The following FER variants were observed in gnomAD, a reference collection of about 807,000 sequenced individuals.
The protein encoded by FER is FER tyrosine kinase, also known as tyrosine-protein kinase Fer.
In FER, 63 loss-of-function variants were observed where a neutral mutation model predicts 111.0. That is an observed-to-expected ratio of 0.57 (90% confidence interval 0.46 to 0.70). FER has a LOEUF of 0.70. Among genes scored for constraint, FER ranks in the 30% least tolerant of loss-of-function variants. FER has a pLI of 0.00. For missense variants in FER, 914 were observed against 954.0 expected, an observed-to-expected ratio of 0.96 and a Z score of 0.55; for synonymous variants, 327 against 313.9, an observed-to-expected ratio of 1.04 and a Z score of -0.44.
intron 14 of FER, among the ~76,000 whole-genome samples, chr5:109,041,275 A>G (rs1223500679): frequency 6.6e-6 from 1 of 152,128 alleles, no homozygotes; most frequent in Non-Finnish European, 1.5e-5. Flanking sequence ...AGTTTTACAG[A>G]TTAACAGAGG....
chr5:109,056,905 C>G (rs532571303), intron 16 of FER, among the ~76,000 whole-genome samples: 1 of 152,036 alleles, frequency 6.6e-6, no homozygotes, highest in African/African-American at 2.4e-5. Flanking sequence ...TTTTCAGATT[C>G]TTTTAGAAGT....
intron 10 of FER, among the ~76,000 whole-genome samples, chr5:108,936,443 G>T (rs947256853): frequency 3.3e-5 from 5 of 151,908 alleles, no homozygotes; most frequent in Non-Finnish European, 7.4e-5. Flanking sequence ...GGCTGCTTTA[G>T]GCCAGTGGTT....
chr5:109,060,673 A>T (rs1431510713), intron 16 of FER, among the ~76,000 whole-genome samples: 2 of 151,792 alleles, frequency 1.3e-5, no homozygotes, highest in Non-Finnish European at 2.9e-5. Flanking sequence ...ACAGAGTGAG[A>T]CTCTGTCTCC....
rs373197302 is a variant in FER, at chr5:108,985,844, G to A, written c.1656+26497G>A. 4.6e-5 allele frequency among the ~76,000 whole-genome samples: 7 copies of A among 152,230 alleles called. No homozygotes were observed. The East Asian group carries it at 9.6e-4, about 21-fold the overall frequency. On this transcript the variant is annotated intron_variant, in intron 13 of 19. Coordinates refer to ENST00000281092, the MANE Select transcript of FER (RefSeq NM_005246.4). ...TCTTTATCCACTCATTGATTGATGG[G>A]CATTTGGGTTGGTTTCATATTTTTG...
At chr5:108,931,610 G>A (rs982710336) in intron 10 of FER, among the ~76,000 whole-genome samples, 2 of 152,058 alleles carry the variant, frequency 1.3e-5, no homozygotes, top group Non-Finnish European at 2.9e-5. Flanking sequence ...AATAGTGCAT[G>A]CCTGAAGTCA....
intron 17 of FER, among the ~76,000 whole-genome samples, chr5:109,137,715 T>A (rs1582203365): frequency 1.3e-5 from 2 of 152,274 alleles, no homozygotes; most frequent in South Asian, 4.1e-4. Context: ...AGACTGAATC[T>A]GGCAAAAGGC....
rs778618874 is a variant in FER at position 108,883,504 on chromosome 5, T to C, written c.1032T>C (p.Cys344=). ...EKRIEESSET[C]EKKSDIVLLL... is the part of the protein sequence containing the mutation. ...GAATTGAAGAATCTTCTGAAACTTG[T>C]GAGAAGAAGTCTGAGTGAGTAAAAG... is the stretch of plus-strand genomic sequence containing the variant. Residue 344 remains cysteine (C), a synonymous_variant, in exon 9 of 20, where the codon TGT becomes TGC. Transcript: ENST00000281092. The C allele has an allele frequency of 6.2e-7, 1 of 1,603,462 alleles. No individual in the cohort carries two copies. Among genetic ancestry groups the C allele is most frequent in the Non-Finnish European group, 8.5e-7 (1 of 1,173,936 alleles).
chr5:109,141,850 C>T (rs1753556032), intron 17 of FER, among the ~76,000 whole-genome samples: 1 of 152,124 alleles, frequency 6.6e-6, no homozygotes, highest in South Asian at 2.1e-4. Flanking sequence ...ACCAAACTTC[C>T]AATTCTATTT....
intron 8 of FER, 92 bp from the exon 9 acceptor site, chr5:108,883,304 A>G: frequency 1.6e-6 from 2 of 1,217,570 alleles, no homozygotes; most frequent in Non-Finnish European, 1.1e-6. Context: ...ACTGTTTTGG[A>G]CATTGCAACA....
intron 17 of FER, among the ~76,000 whole-genome samples, chr5:109,152,870 G>A (rs1368086008): frequency 2.6e-5 from 4 of 151,774 alleles, no homozygotes; most frequent in African/African-American, 7.3e-5. Flanking sequence ...AAAAGAAGCC[G>A]TTAAGAACAA....
intron 3 of FER, among the ~76,000 whole-genome samples, chr5:108,825,622 A>C (rs1759381883): frequency 6.6e-6 from 1 of 152,240 alleles, no homozygotes; most frequent in Non-Finnish European, 1.5e-5. Context: ...CTCAGCTGAC[A>C]GGATTAAGAG....
chr5:108,788,211 G>C (rs1249536264), intron 2 of FER, among the ~76,000 whole-genome samples: 2 of 152,186 alleles, frequency 1.3e-5, no homozygotes, highest in African/African-American at 4.8e-5. Flanking sequence ...TTGTATGTCT[G>C]GTCCAACTGC....
At chr5:109,085,041 G>A (rs1314499412) in intron 16 of FER, among the ~76,000 whole-genome samples, 2 of 151,754 alleles carry the variant, frequency 1.3e-5, no homozygotes, top group Admixed American at 6.6e-5. Context: ...CTTCTGCAAC[G>A]TTTTTTCTAT....
At chr5:109,173,248 G>C (rs1757324798) in intron 17 of FER, among the ~76,000 whole-genome samples, 1 of 152,172 alleles carries the variant, frequency 6.6e-6, no homozygotes. Flanking sequence ...TTCCATAAGT[G>C]ATTCCCATTC....
rs150054774 is a variant in FER at position 109,023,303 on chromosome 5, T to C, written c.1657-14119T>C. Among the ~76,000 whole-genome samples, 1,220 of 152,216 alleles carry C rather than the reference T, an allele frequency of 8.0e-3. 9 individuals are homozygous for C. The highest frequency in any genetic ancestry group is 0.028 in the African/African-American group (1,164 of 41,536). ...TGAATAGTAGTTACATTTACTGAAA[T>C]AGAGAATGCTATGAGAGAAACACAG... is the stretch of plus-strand genomic sequence containing the variant. On this transcript the variant is annotated intron_variant, in intron 13 of 19. Coordinates refer to ENST00000281092, the MANE Select transcript of FER (RefSeq NM_005246.4).
intron 17 of FER, among the ~76,000 whole-genome samples, chr5:109,144,456 T>C (rs761780897): frequency 1.8e-4 from 27 of 152,172 alleles, no homozygotes; most frequent in Non-Finnish European, 3.4e-4. Flanking sequence ...CTGCACTCCG[T>C]AGCATGCTAA....
At chr5:109,171,517 C>T (rs1757090917) in intron 17 of FER, among the ~76,000 whole-genome samples, 1 of 152,174 alleles carries the variant, frequency 6.6e-6, no homozygotes, top group Non-Finnish European at 1.5e-5. Flanking sequence ...ATATAAAGGA[C>T]TCAATAAATG....
At chr5:108,858,182 A>G (rs1763180345) in intron 5 of FER, among the ~76,000 whole-genome samples, 1 of 152,186 alleles carries the variant, frequency 6.6e-6, no homozygotes. Context: ...TTCTAGTCCA[A>G]TACCATACAG....
intron 16 of FER, among the ~76,000 whole-genome samples, chr5:109,063,925 TTTA>T (rs747189233): frequency 7.2e-5 from 11 of 152,316 alleles, no homozygotes; most frequent in Non-Finnish European, 1.5e-4. Flanking sequence ...CATTCCCATT[TTTA>T]TTGTATAATT....
Sources: allele counts gnomAD v4.1 joint callset (sites outside exome capture counted in the v4.1 genomes callset), GRCh38; gene constraint gnomAD v4.1.1; transcripts MANE v1.5; gene names NCBI Gene and HGNC (gene_info 2026-07-23, HGNC 2026-07-21).